Variants in DIAPH3 observed in about 807,000 individuals in gnomAD.
The protein encoded by DIAPH3 is protein diaphanous homolog 3.
Under a neutral mutation model 144.3 loss-of-function variants are expected in DIAPH3, and 117 were observed. The ratio of observed to expected loss-of-function variants is 0.81; its 90% confidence interval spans 0.70 to 0.95. DIAPH3 has a LOEUF of 0.95. DIAPH3 is among the 40% of genes least tolerant of loss of function. The pLI is 0.00. For synonymous variants in DIAPH3, 519 were observed against 488.9 expected, an observed-to-expected ratio of 1.06 and a Z score of -0.81; for missense variants, 1,421 against 1,412.7, an observed-to-expected ratio of 1.01 and a Z score of -0.09.
chr13:59,938,509 T>C (rs2048365672), intron 17 of DIAPH3, among the ~76,000 whole-genome samples: 1 of 151,868 alleles, frequency 6.6e-6, no homozygotes, highest in Non-Finnish European at 1.5e-5. Flanking sequence ...CTCAGGAGGA[T>C]GAAGTGGGAG....
chr13:59,878,097 C>T (rs573398042), intron 21 of DIAPH3, among the ~76,000 whole-genome samples: 25 of 152,060 alleles, frequency 1.6e-4, no homozygotes, highest in Non-Finnish European at 2.9e-4. Flanking sequence ...ATATTAATCA[C>T]ATACATTAAA....
chr13:59,774,947 A>T (rs1015674618), intron 25 of DIAPH3, 124 bp from the exon 26 acceptor site: 33 of 768,550 alleles, frequency 4.3e-5, no homozygotes, highest in Non-Finnish European at 6.6e-5. Flanking sequence ...GGACTAAGCT[A>T]GCAATTTCAA....
intron 4 of DIAPH3, among the ~76,000 whole-genome samples, chr13:60,092,149 G>A (rs1421455449): frequency 6.6e-6 from 1 of 151,928 alleles, no homozygotes; most frequent in Non-Finnish European, 1.5e-5. Flanking sequence ...CCACTATGTA[G>A]GTATTCCCAT....
chr13:59,801,956 G>GT (rs556409740), intron 25 of DIAPH3, among the ~76,000 whole-genome samples: 68 of 151,950 alleles, frequency 4.5e-4, no homozygotes, highest in Non-Finnish European at 8.8e-4. Flanking sequence ...CTACTGAGTT[G>GT]TTTTTTTTCC....
At chr13:59,742,597 G>A (rs1301581938) in intron 27 of DIAPH3, among the ~76,000 whole-genome samples, 3 of 127,346 alleles carry the variant, frequency 2.4e-5, no homozygotes, top group Non-Finnish European at 3.4e-5. Flanking sequence ...AAAGAGAAAA[G>A]AAAAGAAAGA....
At chr13:60,017,151 C>T (rs2053707257) in intron 5 of DIAPH3, among the ~76,000 whole-genome samples, 1 of 152,054 alleles carries the variant, frequency 6.6e-6, no homozygotes, top group Admixed American at 6.6e-5. Flanking sequence ...TGCCTGTAAT[C>T]CCAGCACTTT....
chr13:60,024,375 G>A (rs1477975652), intron 5 of DIAPH3, among the ~76,000 whole-genome samples: 2 of 151,864 alleles, frequency 1.3e-5, no homozygotes, highest in Admixed American at 6.6e-5. Flanking sequence ...CTCATGTTTC[G>A]CTTTTGAGGC....
rs2038592953 is a variant in DIAPH3, at chr13:59,779,176, A to C, written c.3164-4353T>G. The stretch of plus-strand genomic sequence containing the variant: ...GAGCAGATGGCTATTTTTGGCCTTC[A>C]CTCTCACATGCATAATGGGAAGAAT... On this transcript the variant is annotated intron_variant, in intron 25 of 27. Transcript: ENST00000400324. 2.0e-5 allele frequency among the ~76,000 whole-genome samples: 3 copies of C among 152,142 alleles called. 1 individual carries two copies. In the South Asian group the frequency reaches 6.2e-4, roughly 32 times the overall value.
At chr13:59,789,163 A>G (rs1474837504) in intron 25 of DIAPH3, among the ~76,000 whole-genome samples, 2 of 152,192 alleles carry the variant, frequency 1.3e-5, no homozygotes, top group Non-Finnish European at 2.9e-5. Flanking sequence ...ATTTAAATAC[A>G]TATGTAGATG....
At chr13:59,757,315 T>C (rs777558861) in intron 27 of DIAPH3, among the ~76,000 whole-genome samples, 1 of 139,386 alleles carries the variant, frequency 7.2e-6, no homozygotes, top group African/African-American at 2.8e-5. Flanking sequence ...GAAACAGTGC[T>C]ATATATAATG....
intron 25 of DIAPH3, among the ~76,000 whole-genome samples, chr13:59,792,980 G>A (rs1244739905): frequency 1.3e-5 from 2 of 152,218 alleles, no homozygotes; most frequent in African/African-American, 4.8e-5. Context: ...TCATCAGGAG[G>A]CTCTCCCACT....
chr13:60,020,438 T>C (rs1210657309), intron 5 of DIAPH3, among the ~76,000 whole-genome samples: 1 of 152,116 alleles, frequency 6.6e-6, no homozygotes, highest in Non-Finnish European at 1.5e-5. Flanking sequence ...CACAATCATG[T>C]CTCACTGCCA....
Position 60,091,560 on chromosome 13 carries a change from T to C in DIAPH3, c.495+2068A>G, listed in dbSNP as rs1339758581. On this transcript the variant is annotated intron_variant, in intron 4 of 27. Transcript: ENST00000400324. ...AGATCTGCCTCCCAAGGTGCTGGAA[T>C]TACATGCGTGAGCCACCACACCTGG... Among the ~76,000 whole-genome samples, 2 of 151,862 alleles carry C rather than the reference T, an allele frequency of 1.3e-5. 1 individual carries two copies. The highest frequency in any genetic ancestry group is 1.3e-4 in the Admixed American group (2 of 15,252).
chr13:59,948,086 C>T (rs557509174), intron 17 of DIAPH3, among the ~76,000 whole-genome samples: 3 of 152,120 alleles, frequency 2.0e-5, no homozygotes, highest in Admixed American at 1.3e-4. Context: ...AGTATTAACT[C>T]TCTTTTTCAG....
At chr13:59,992,295 C>G in intron 10 of DIAPH3, 109 bp from the exon 11 acceptor site, 1 of 1,085,332 alleles carries the variant, frequency 9.2e-7, no homozygotes, top group South Asian at 1.4e-5. Flanking sequence ...TTATAGCATT[C>G]GAACATTTAA....
chr13:59,853,141 A>T (rs1334109626), intron 22 of DIAPH3, among the ~76,000 whole-genome samples: 1 of 152,110 alleles, frequency 6.6e-6, no homozygotes, highest in Non-Finnish European at 1.5e-5. Context: ...TGGGGTTTCA[A>T]CTCCAGGTGA....
chr13:59,668,943 A>G (rs1401026933), intron 27 of DIAPH3, among the ~76,000 whole-genome samples: 3 of 152,114 alleles, frequency 2.0e-5, no homozygotes, highest in Non-Finnish European at 2.9e-5. Flanking sequence ...CTCAGCATAT[A>G]GATTGAGGGG....
intron 17 of DIAPH3, among the ~76,000 whole-genome samples, chr13:59,947,479 C>T (rs1181478593): frequency 6.6e-6 from 1 of 152,084 alleles, no homozygotes; most frequent in Non-Finnish European, 1.5e-5. Context: ...TGATGTGTTA[C>T]AATCAGACAC....
At position 59,840,199 on chromosome 13, in the gene DIAPH3, T is replaced by C. The variant is rs540042281; in HGVS notation, c.2738-751A>G. On this transcript the variant is annotated intron_variant, in intron 22 of 27. Transcript: ENST00000400324. ...AGTGCAAAAAGAAGATAGAGTGACC[T>C]AAACCAACTTTTAAAATATTTGCTT... Among the ~76,000 whole-genome samples, 19 of 152,268 alleles carry C rather than the reference T, an allele frequency of 1.2e-4. No individual in the cohort carries two copies. The East Asian group carries it at 3.3e-3, about 26-fold the overall frequency.
Sources: allele counts gnomAD v4.1 joint callset (sites outside exome capture counted in the v4.1 genomes callset), GRCh38; gene constraint gnomAD v4.1.1; transcripts MANE v1.5; gene names NCBI Gene and HGNC (gene_info 2026-07-23, HGNC 2026-07-21).